Variants in ITIH5 observed in about 807,000 individuals in gnomAD.
ITIH5 encodes inter-alpha-trypsin inhibitor heavy chain H5.
In ITIH5, 65 loss-of-function variants were observed where a neutral mutation model predicts 77.5. The observed-to-expected ratio is 0.84, with a 90% CI of 0.69 to 1.03. ITIH5 has a LOEUF of 1.03. ITIH5 is among the 50% of genes least tolerant of loss of function. The pLI is 0.00. For synonymous variants in ITIH5, 525 were observed against 494.3 expected (o/e 1.06, Z -0.82); for missense variants, 1,208 against 1,213.1 (o/e 1.00, Z 0.06).
intron 2 of ITIH5, among the ~76,000 whole-genome samples, chr10:7,644,875 A>G (rs915016479): frequency 1.2e-5 from 1 of 80,940 alleles, no homozygotes; most frequent in African/African-American, 5.3e-5. Context: ...TATATATCAC[A>G]TATATATATC....
In ITIH5 at chr10:7,583,382, G is replaced by A. The variant is rs180794552; in HGVS notation, c.1108+2519C>T. On this transcript the variant is annotated intron_variant, in intron 8 of 13. Transcript: ENST00000397146. Reference sequence around the variant, plus strand: ...GAATTTCACTCTGTCACCGGGGCTGGAGTGCAGTGGTGCGATCTCGGCTCA... The same window carrying A: ...GAATTTCACTCTGTCACCGGGGCTGAAGTGCAGTGGTGCGATCTCGGCTCA... Among the ~76,000 whole-genome samples the A allele has an allele frequency of 1.0e-3, 159 of 152,316 alleles. 1 individual carries two copies. Among genetic ancestry groups the A allele is most frequent in the African/African-American group, 3.5e-3 (146 of 41,560 alleles).
intron 7 of ITIH5, among the ~76,000 whole-genome samples, chr10:7,590,954 C>T (rs935906096): frequency 2.0e-5 from 3 of 152,166 alleles, no homozygotes; most frequent in Admixed American, 6.5e-5. Flanking sequence ...TGGAGTGCAG[C>T]GGCGCGGTAT....
At chr10:7,636,311 T>C (rs569145102) in intron 5 of ITIH5, among the ~76,000 whole-genome samples, 21 of 152,358 alleles carry the variant, frequency 1.4e-4, no homozygotes, top group African/African-American at 4.6e-4. Flanking sequence ...TGAATCAAGA[T>C]GCCTGTATCT....
At chr10:7,586,827 G>A (rs1279950595) in intron 7 of ITIH5, among the ~76,000 whole-genome samples, 1 of 144,050 alleles carries the variant, frequency 6.9e-6, no homozygotes, top group Admixed American at 7.1e-5. Context: ...AACTGGAAGG[G>A]CATTCTTCTT....
At chr10:7,617,351 T>C in intron 5 of ITIH5, 69 bp from the exon 6 acceptor site, 1 of 1,024,532 alleles carries the variant, frequency 9.8e-7, no homozygotes, top group African/African-American at 1.7e-5. Context: ...AAAAACTGTT[T>C]GGCAGACACA....
chr10:7,578,952 T>C (rs1224519176), intron 9 of ITIH5, among the ~76,000 whole-genome samples: 2 of 152,240 alleles, frequency 1.3e-5, no homozygotes, highest in Non-Finnish European at 2.9e-5. Flanking sequence ...TCTGATGGTT[T>C]TGCTTCCAAA....
intron 1 of ITIH5, among the ~76,000 whole-genome samples, chr10:7,659,892 C>T (rs1349851549): frequency 6.6e-6 from 1 of 152,130 alleles, no homozygotes; most frequent in Non-Finnish European, 1.5e-5. Flanking sequence ...AATTCCTGAT[C>T]CTTTTTATTG....
At chr10:7,565,753 A>T (rs1434662119) in intron 13 of ITIH5, among the ~76,000 whole-genome samples, 1 of 148,494 alleles carries the variant, frequency 6.7e-6, no homozygotes, top group Non-Finnish European at 1.5e-5. Flanking sequence ...ACACATATGC[A>T]GTCTGCATGT....
Position 7,574,794 on chromosome 10 carries a change from G to GGA in ITIH5, c.1979-1600_1979-1599insTC, listed in dbSNP as rs1554748362. Among the ~76,000 whole-genome samples the GGA allele has an allele frequency of 3.0e-3, 254 of 85,576 alleles. 7 individuals are homozygous for GGA. The highest frequency in any genetic ancestry group is 8.6e-3 in the African/African-American group (131 of 15,180). 56.1% of individuals were successfully genotyped at this position (85,576 alleles called of 152,430 possible). ...GGCGAAAGAGCGAGACTCCATCTCGGAAAAAAAAAAAAAAAAAAAGCAAAA... is the reference window on the plus strand; with the variant it reads ...GGCGAAAGAGCGAGACTCCATCTCGGGAAAAAAAAAAAAAAAAAAAAGCAAAA... On this transcript the variant is annotated intron_variant, in intron 10 of 13. Transcript: ENST00000397146.
intron 1 of ITIH5, among the ~76,000 whole-genome samples, chr10:7,656,195 G>A (rs996192109): frequency 2.6e-5 from 4 of 152,030 alleles, no homozygotes; most frequent in Admixed American, 6.6e-5. Context: ...TCCACATGCC[G>A]GGGAGGGATG....
Position 7,562,724 on chromosome 10 carries a change from T to G in ITIH5, c.*359A>C. 1 of 212,212 alleles carries G rather than the reference T, an allele frequency of 4.7e-6. No individual in the cohort carries two copies. 13.1% of individuals were successfully genotyped at this position (212,212 alleles called of 1,614,324 possible). A position where few individuals can be genotyped will look rare whatever the true frequency, so the allele number is the denominator to read the frequency against. ...AAGAAAAAAAGTTTCATAGCAACCTTCCTTCACCAGAAAGGCTTACTTTAT... is the reference window on the plus strand; with the variant it reads ...AAGAAAAAAAGTTTCATAGCAACCTGCCTTCACCAGAAAGGCTTACTTTAT... On this transcript the variant is annotated 3_prime_UTR_variant, in exon 14 of 14. Transcript: ENST00000397146.
Position 7,666,809 on chromosome 10 carries a change from C to T in ITIH5, c.84G>A (p.Ser28=), listed in dbSNP as rs770630018. 2.5e-6 allele frequency: 4 copies of T among 1,607,084 alleles called. No individual in the cohort carries two copies. Among genetic ancestry groups the T allele is most frequent in the Non-Finnish European group, 3.4e-6 (4 of 1,177,372 alleles). The change falls in exon 1 of 14, where the codon TCG becomes TCA. Residue 28 remains serine (S), a synonymous_variant. Coordinates refer to ENST00000397146, the MANE Select transcript of ITIH5 (RefSeq NM_030569.7). The part of the protein sequence containing the change: ...QEEAQSWGHS[S]EQDGLRVPRQ... ...TCCCCTCGGCTCCACTTACCTGCTC[C>T]GAAGAGTGGCCCCAGCTCTGCGCCT...
chr10:7,628,334 T>C (rs1833620531), intron 5 of ITIH5, among the ~76,000 whole-genome samples: 1 of 152,206 alleles, frequency 6.6e-6, no homozygotes, highest in Non-Finnish European at 1.5e-5. Flanking sequence ...TCTCTACGGA[T>C]TTGTGTGTTC....
chr10:7,649,740 T>A (rs1332278425), intron 2 of ITIH5, among the ~76,000 whole-genome samples: 3 of 152,098 alleles, frequency 2.0e-5, no homozygotes, highest in Non-Finnish European at 4.4e-5. Context: ...CCCAGATCAA[T>A]GACTAGAAAA....
At chr10:7,628,941 G>GTCCATGTTGTAGCGTGTA (rs796995955) in intron 5 of ITIH5, among the ~76,000 whole-genome samples, 9,169 of 112,494 alleles carry the variant, frequency 0.082, 1,908 homozygotes, top group African/African-American at 0.18. Flanking sequence ...TTTCACATGT[G>GTCCATGTTGTAGCGTGTA]TCCATGTTGT....
At chr10:7,573,314 T>A in intron 10 of ITIH5, 119 bp from the exon 11 acceptor site, 2 of 766,296 alleles carry the variant, frequency 2.6e-6, no homozygotes, top group Non-Finnish European at 4.4e-6. Flanking sequence ...TGTAACAGCT[T>A]AAATAATCAA....
rs761250291 is a variant in ITIH5 at position 7,585,973 on chromosome 10, G to T, written c.1036C>A (p.His346Asn). 5.6e-6 allele frequency: 9 copies of T among 1,614,016 alleles called. No homozygotes were observed. Among genetic ancestry groups the T allele is most frequent in the Non-Finnish European group, 7.6e-6 (9 of 1,179,910 alleles). The change falls in exon 8 of 14, where the codon CAC becomes AAC. Residue 346 changes from histidine to asparagine, a missense_variant. Transcript: ENST00000397146. ...FSNRIKVWKD[H>N]LISVTPDSIR... The stretch of plus-strand genomic sequence containing the variant: ...CTGTCTGGAGTGACTGATATCAAGT[G>T]GTCCTTCCATACTTTGATCCGGTTG...
chr10:7,662,186 C>T (rs1362116705), intron 1 of ITIH5, among the ~76,000 whole-genome samples: 1 of 152,008 alleles, frequency 6.6e-6, no homozygotes, highest in South Asian at 2.1e-4. Context: ...GGTAAAGCCC[C>T]GTCTCTACAA....
rs1273732996 is a variant in ITIH5 at position 7,576,650 on chromosome 10, T to A, written c.1781A>T (p.Asp594Val). The A allele has an allele frequency of 1.2e-6, 2 of 1,614,186 alleles. No homozygotes were observed. The highest frequency in any genetic ancestry group is 1.7e-6 in the Non-Finnish European group (2 of 1,180,034). Residue 594 changes from aspartate (D) to valine (V), a missense_variant, in exon 10 of 14, where the codon GAT (aspartate) becomes GTT (valine). Coordinates refer to ENST00000397146, the MANE Select transcript of ITIH5 (RefSeq NM_030569.7). ...ELLSSWLQSD[D>V]EPEKERLRQR... ...CCGCAGCCGCTCCTTCTCCGGTTCA[T>A]CGTCACTTTGCAGCCAGGAGCTCAG...
Sources: allele counts gnomAD v4.1 joint callset (sites outside exome capture counted in the v4.1 genomes callset), GRCh38; gene constraint gnomAD v4.1.1; transcripts MANE v1.5; gene names NCBI Gene and HGNC (gene_info 2026-07-23, HGNC 2026-07-21).